The following SUGCT variants were observed in gnomAD, a reference collection of about 807,000 sequenced individuals.
SUGCT encodes succinyl-CoA:glutarate-CoA transferase, also known as succinyl-CoA:glutarate CoA-transferase.
Under a neutral mutation model 55.0 loss-of-function variants are expected in SUGCT, and 41 were observed. The observed-to-expected ratio is 0.74, with a 90% CI of 0.58 to 0.97. The LOEUF is 0.97. Ranked by LOEUF, SUGCT falls within the 50% of genes least tolerant of loss-of-function variation. SUGCT has a pLI of 0.00. For missense variants in SUGCT, 568 were observed against 547.8 expected, an observed-to-expected ratio of 1.04 and a Z score of -0.37; for synonymous variants, 187 against 200.4, an observed-to-expected ratio of 0.93 and a Z score of 0.56.
intron 8 of SUGCT, among the ~76,000 whole-genome samples, chr7:40,314,783 C>G (rs955597881): frequency 6.6e-6 from 1 of 151,922 alleles, no homozygotes; most frequent in African/African-American, 2.4e-5. Context: ...AGGCTGGTCT[C>G]GAACTCCCAT....
At chr7:40,260,222 G>C (rs1442892012) in intron 7 of SUGCT, among the ~76,000 whole-genome samples, 1 of 152,040 alleles carries the variant, frequency 6.6e-6, no homozygotes, top group Non-Finnish European at 1.5e-5. Flanking sequence ...CTGTGCTTCT[G>C]TATGTTTTTA....
chr7:40,460,269 A>T (rs1229077618), intron 11 of SUGCT, among the ~76,000 whole-genome samples: 1 of 152,160 alleles, frequency 6.6e-6, no homozygotes, highest in Non-Finnish European at 1.5e-5. Flanking sequence ...CCATGTGCCA[A>T]ATGCTATTCA....
intron 12 of SUGCT, among the ~76,000 whole-genome samples, chr7:40,741,822 A>G (rs1034334897): frequency 6.6e-6 from 1 of 152,252 alleles, no homozygotes; most frequent in Non-Finnish European, 1.5e-5. Context: ...AAAGCAAGTC[A>G]GAGAAGCATA....
chr7:40,315,742 T>A (rs1269198609), intron 8 of SUGCT, among the ~76,000 whole-genome samples: 1 of 152,176 alleles, frequency 6.6e-6, no homozygotes, highest in Non-Finnish European at 1.5e-5. Context: ...CTTTGTAGGT[T>A]TTCCAATCGC....
chr7:40,544,911 C>G (rs1294454385), intron 12 of SUGCT, among the ~76,000 whole-genome samples: 2 of 152,164 alleles, frequency 1.3e-5, no homozygotes, highest in East Asian at 3.9e-4. Context: ...CTTACAAAAA[C>G]TAGTAAATAT....
chr7:40,234,990 G>T (rs1788931138), intron 6 of SUGCT, among the ~76,000 whole-genome samples: 1 of 152,018 alleles, frequency 6.6e-6, no homozygotes, highest in Non-Finnish European at 1.5e-5. Context: ...TGAAAGATAG[G>T]CATAGTGGAA....
intron 12 of SUGCT, among the ~76,000 whole-genome samples, chr7:40,573,058 G>A (rs145920316): frequency 0.014 from 2,196 of 152,214 alleles, 25 homozygotes; most frequent in Non-Finnish European, 0.021. Context: ...TTGTTTAAGT[G>A]AACTTGAGCT....
In SUGCT at chr7:40,522,342, C is replaced by G. The variant is rs142366315; in HGVS notation, c.1089+25956C>G. 4.9e-3 allele frequency among the ~76,000 whole-genome samples: 742 copies of G among 152,218 alleles called. 6 individuals are homozygous for G. Among genetic ancestry groups the G allele is most frequent in the African/African-American group, 0.017 (698 of 41,544 alleles). ...GGTCTGAGTTTTAGCTTCAAAAGCC[C>G]TTTCTCTAAGTTTCTAAGTTATTAA... On this transcript the variant is annotated intron_variant, in intron 12 of 13. Transcript: ENST00000335693.
intron 12 of SUGCT, among the ~76,000 whole-genome samples, chr7:40,747,358 A>G (rs1422794089): frequency 2.6e-5 from 4 of 152,198 alleles, no homozygotes. Context: ...TTGATGATTT[A>G]TTTTATGATG....
rs150632647 is a variant in SUGCT, at chr7:40,219,973, T to C, written c.485-17662T>C. ...GCTGGTGTTTTTTAGTATAGGAGTA[T>C]GTGAAGAAATAAAGCTTTTTTCCCA... is the stretch of plus-strand genomic sequence containing the variant. On this transcript the variant is annotated intron_variant, in intron 6 of 13. Coordinates refer to ENST00000335693, the MANE Select transcript of SUGCT (RefSeq NM_001193313.2). Among the ~76,000 whole-genome samples, 310 of 152,310 alleles carry C rather than the reference T, an allele frequency of 2.0e-3. 1 individual carries two copies. The highest frequency in any genetic ancestry group is 6.9e-3 in the African/African-American group (286 of 41,596).
the SUGCT span, among the ~76,000 whole-genome samples, chr7:40,930,731 T>C: frequency 6.6e-6 from 1 of 152,216 alleles, no homozygotes; most frequent in East Asian, 1.9e-4. Context: ...TTGTCTGTTA[T>C]TGGTGTATAG....
the SUGCT span, among the ~76,000 whole-genome samples, chr7:40,978,170 G>T: frequency 6.6e-6 from 1 of 152,170 alleles, no homozygotes; most frequent in Non-Finnish European, 1.5e-5. Context: ...ATACAGGCTG[G>T]TCCTCAGCCC....
the SUGCT span, among the ~76,000 whole-genome samples, chr7:40,907,178 A>T: frequency 6.7e-6 from 1 of 149,000 alleles, no homozygotes. Flanking sequence ...TTGAGTGGGG[A>T]CTTGGGTTTC....
At chr7:40,750,899 G>A (rs1363328199) in intron 13 of SUGCT, among the ~76,000 whole-genome samples, 1 of 152,156 alleles carries the variant, frequency 6.6e-6, no homozygotes, top group Non-Finnish European at 1.5e-5. Context: ...TATATACTAT[G>A]TGCCAGGTAC....
At chr7:40,548,994 C>A (rs1454691857) in intron 12 of SUGCT, among the ~76,000 whole-genome samples, 1 of 152,162 alleles carries the variant, frequency 6.6e-6, no homozygotes. Flanking sequence ...CGGAGGCCCT[C>A]ACTGAGCTCT....
chr7:40,146,100 CT>C (rs58024497), intron 1 of SUGCT, among the ~76,000 whole-genome samples: 2,311 of 141,022 alleles, frequency 0.016, 33 homozygotes, highest in African/African-American at 0.044. Context: ...ACCTTTTTTG[CT>C]TTTTTTTTTT....
chr7:40,516,982 TTATG>T, intron 12 of SUGCT, among the ~76,000 whole-genome samples: 1 of 152,102 alleles, frequency 6.6e-6, no homozygotes, highest in South Asian at 2.1e-4. Flanking sequence ...TTCCATTTAT[TTATG>T]TCTTCTTTAA....
the SUGCT span, among the ~76,000 whole-genome samples, chr7:40,879,463 T>C: frequency 1.3e-5 from 2 of 152,192 alleles, no homozygotes; most frequent in African/African-American, 2.4e-5. Flanking sequence ...ATGCATGAGC[T>C]TCTCATACCT....
At chr7:40,778,541 A>G (rs950135091) in intron 13 of SUGCT, among the ~76,000 whole-genome samples, 1 of 152,240 alleles carries the variant, frequency 6.6e-6, no homozygotes, top group African/African-American at 2.4e-5. Flanking sequence ...TCATAATTTA[A>G]TTATCTAAGA....
Sources: allele counts gnomAD v4.1 joint callset (sites outside exome capture counted in the v4.1 genomes callset), GRCh38; gene constraint gnomAD v4.1.1; transcripts MANE v1.5; gene names NCBI Gene and HGNC (gene_info 2026-07-23, HGNC 2026-07-21).